The following DTWD2 variants were observed in gnomAD, a reference collection of about 807,000 sequenced individuals.
DTWD2 encodes the protein tRNA-uridine aminocarboxypropyltransferase 2.
In DTWD2, 39 loss-of-function variants were observed where a neutral mutation model predicts 31.8. That is an observed-to-expected ratio of 1.22 (90% CI 0.95 to 1.60). The LOEUF (loss-of-function observed/expected upper bound fraction) is 1.60. Ranked by LOEUF, DTWD2 falls within the 40% of genes most tolerant of loss-of-function variation. The pLI is 0.00. For synonymous variants in DTWD2, 180 were observed against 142.8 expected (o/e 1.26, Z -1.86); for missense variants, 515 against 381.5 (o/e 1.35, Z -2.92).
At chr5:118,942,810 G>A (rs897531602) in intron 2 of DTWD2, among the ~76,000 whole-genome samples, 2 of 148,448 alleles carry the variant, frequency 1.3e-5, no homozygotes, top group African/African-American at 4.9e-5. Flanking sequence ...GGTGTGGGTT[G>A]TTTTTTTTTT....
At chr5:118,930,880 G>A (rs1485402517) in intron 3 of DTWD2, among the ~76,000 whole-genome samples, 1 of 152,092 alleles carries the variant, frequency 6.6e-6, no homozygotes, top group African/African-American at 2.4e-5. Flanking sequence ...GAGGACGGAG[G>A]GCATAGGGAT....
rs1462351648 is a variant in DTWD2, at chr5:118,929,306, TGAAAA to T, written c.405-582_405-578del. Among the ~76,000 whole-genome samples the T allele has an allele frequency of 7.9e-5, 12 of 152,324 alleles. No homozygotes were observed. The South Asian group carries it at 2.3e-3, about 29-fold the overall frequency. On this transcript the variant is annotated intron_variant, in intron 3 of 5. Transcript: ENST00000510708. ...ACCTATCTTAATAGGCAGACAAGATTGAAAACCTAATTTAGGAGTATGCACCTGTA... is the reference window on the plus strand; with the variant it reads ...ACCTATCTTAATAGGCAGACAAGATTCCTAATTTAGGAGTATGCACCTGTA...
intron 4 of DTWD2, among the ~76,000 whole-genome samples, chr5:118,891,928 C>G (rs1373176699): frequency 6.6e-6 from 1 of 152,086 alleles, no homozygotes; most frequent in East Asian, 1.9e-4. Flanking sequence ...AATAATCTAG[C>G]TCAATGCTAC....
At chr5:118,857,118 G>T (rs1752154951) in intron 4 of DTWD2, among the ~76,000 whole-genome samples, 1 of 151,870 alleles carries the variant, frequency 6.6e-6, no homozygotes, top group African/African-American at 2.4e-5. Context: ...AAGAAATGTA[G>T]ATGCACACGT....
chr5:118,977,219 C>G (rs996934906), intron 1 of DTWD2, among the ~76,000 whole-genome samples: 1 of 152,216 alleles, frequency 6.6e-6, no homozygotes, highest in African/African-American at 2.4e-5. Flanking sequence ...GACAAACCCA[C>G]AACCAATATC....
intron 4 of DTWD2, among the ~76,000 whole-genome samples, chr5:118,894,517 G>T (rs902193681): frequency 6.6e-6 from 1 of 152,028 alleles, no homozygotes; most frequent in African/African-American, 2.4e-5. Context: ...TAAATAAATA[G>T]AACAGGAAAA....
intron 4 of DTWD2, among the ~76,000 whole-genome samples, chr5:118,852,885 A>T (rs1415378260): frequency 2.6e-5 from 4 of 151,576 alleles, no homozygotes; most frequent in Admixed American, 6.6e-5. Context: ...ATGCATTCAT[A>T]AAAAAAAATG....
intron 4 of DTWD2, among the ~76,000 whole-genome samples, chr5:118,874,163 A>C (rs148619603): frequency 2.8e-4 from 42 of 152,332 alleles, no homozygotes; most frequent in Non-Finnish European, 5.3e-4. Flanking sequence ...AAAACCCTCA[A>C]GGTCATCAAA....
chr5:118,952,739 G>A (rs116203256), intron 1 of DTWD2, among the ~76,000 whole-genome samples: 1 of 152,118 alleles, frequency 6.6e-6, no homozygotes, highest in Admixed American at 6.6e-5. Flanking sequence ...CACAACAGCA[G>A]TCTTTAACCC....
At chr5:118,957,048 T>C (rs1754602691) in intron 1 of DTWD2, among the ~76,000 whole-genome samples, 1 of 152,102 alleles carries the variant, frequency 6.6e-6, no homozygotes, top group Non-Finnish European at 1.5e-5. Context: ...ATGATTAACA[T>C]TATAATACAT....
chr5:118,858,308 G>A (rs1185159879), intron 4 of DTWD2, among the ~76,000 whole-genome samples: 1 of 152,168 alleles, frequency 6.6e-6, no homozygotes, highest in East Asian at 1.9e-4. Context: ...TTTCAGAAAA[G>A]AATATCTATA....
intron 4 of DTWD2, among the ~76,000 whole-genome samples, chr5:118,862,166 TCTAA>T: frequency 6.6e-6 from 1 of 152,326 alleles, no homozygotes; most frequent in East Asian, 1.9e-4. Context: ...CTTATGAGGA[TCTAA>T]CTAATGCCTG....
chr5:118,934,467 T>A (rs1753994145), intron 3 of DTWD2, among the ~76,000 whole-genome samples: 1 of 151,856 alleles, frequency 6.6e-6, no homozygotes, highest in African/African-American at 2.4e-5. Context: ...TATATTTTTA[T>A]AAGGTTCTTA....
At chr5:118,841,333 G>A (rs942228436) in intron 5 of DTWD2, among the ~76,000 whole-genome samples, 5 of 152,088 alleles carry the variant, frequency 3.3e-5, no homozygotes, top group African/African-American at 1.2e-4. Context: ...TTTCCACATA[G>A]GTAATAAAGT....
intron 4 of DTWD2, among the ~76,000 whole-genome samples, chr5:118,908,990 G>A (rs1580800057): frequency 6.6e-6 from 1 of 152,332 alleles, no homozygotes; most frequent in African/African-American, 2.4e-5. Context: ...GGTAAAAACA[G>A]TCTCATTTTT....
chr5:118,845,229 C>T (rs542843364), intron 5 of DTWD2, among the ~76,000 whole-genome samples: 14 of 152,122 alleles, frequency 9.2e-5, no homozygotes, highest in Admixed American at 6.5e-4. Context: ...ATTTACTATT[C>T]TCCCCCACCA....
chr5:118,946,310 T>C (rs1754337784), intron 1 of DTWD2, among the ~76,000 whole-genome samples: 1 of 152,112 alleles, frequency 6.6e-6, no homozygotes, highest in African/African-American at 2.4e-5. Flanking sequence ...TGAGGAGATT[T>C]TTGAGATGGA....
In DTWD2 at chr5:118,956,266, G is replaced by A. The variant is rs183055851; in HGVS notation, c.219-11617C>T. ...TTTACAATGTATTTTTCCGCTCATCGGGGTTTATCTTCTTTAAAACCTATA... is the reference window on the plus strand; with the variant it reads ...TTTACAATGTATTTTTCCGCTCATCAGGGTTTATCTTCTTTAAAACCTATA... On this transcript the variant is annotated intron_variant, in intron 1 of 5. Coordinates refer to ENST00000510708, the MANE Select transcript of DTWD2 (RefSeq NM_173666.4). Among the ~76,000 whole-genome samples the A allele has an allele frequency of 4.6e-5, 7 of 152,056 alleles. No individual in the cohort carries two copies. In the East Asian group the frequency reaches 5.8e-4, roughly 13 times the overall value.
chr5:118,974,555 T>TAA (rs200057430), intron 1 of DTWD2: 2 of 495,368 alleles, frequency 4.0e-6, no homozygotes, highest in African/African-American at 4.1e-5. Context: ...AAAAACCTTG[T>TAA]AAAAAAAGCA....
Sources: allele counts gnomAD v4.1 joint callset (sites outside exome capture counted in the v4.1 genomes callset), GRCh38; gene constraint gnomAD v4.1.1; transcripts MANE v1.5; gene names NCBI Gene and HGNC (gene_info 2026-07-23, HGNC 2026-07-21).